The following KDM4B variants were observed in gnomAD, a reference collection of about 807,000 sequenced individuals.
The protein encoded by KDM4B is lysine-specific demethylase 4B.
Under a neutral mutation model 125.2 loss-of-function variants are expected in KDM4B, and 32 were observed. That is an observed-to-expected ratio of 0.26 (90% CI 0.19 to 0.34). KDM4B has a LOEUF of 0.34. Among genes scored for constraint, KDM4B ranks in the 10% least tolerant of loss-of-function variants. KDM4B has a pLI of 1.00. For missense variants in KDM4B, 1,190 were observed against 1,577.7 expected (o/e 0.75, Z 4.16); for synonymous variants, 721 against 677.9 (o/e 1.06, Z -0.99).
intron 1 of KDM4B, among the ~76,000 whole-genome samples, chr19:4,976,666 G>A (rs974626563): frequency 6.6e-6 from 1 of 152,242 alleles, no homozygotes. Context: ...GGTGGTTTCT[G>A]CTGTCCCTGA....
intron 1 of KDM4B, among the ~76,000 whole-genome samples, chr19:4,980,582 C>A (rs995084776): frequency 1.3e-5 from 2 of 151,908 alleles, no homozygotes; most frequent in Non-Finnish European, 2.9e-5. Flanking sequence ...TGCCACCACA[C>A]CCGGCTAATT....
intron 1 of KDM4B, among the ~76,000 whole-genome samples, chr19:4,999,565 A>G (rs770937176): frequency 7.9e-5 from 12 of 152,150 alleles, no homozygotes; most frequent in Non-Finnish European, 1.2e-4. Context: ...AGAGCTGGGA[A>G]GTAGATGTGT....
At chr19:5,027,438 G>A (rs930385216) in intron 2 of KDM4B, among the ~76,000 whole-genome samples, 4 of 152,174 alleles carry the variant, frequency 2.6e-5, no homozygotes, top group African/African-American at 9.7e-5. Context: ...TCCTCTCTCA[G>A]CTGAGAAGAG....
intron 1 of KDM4B, among the ~76,000 whole-genome samples, chr19:4,994,020 G>GTTTTTTTTTTTTTTTTTTTTTTTTTT (rs55641886): frequency 1.7e-3 from 116 of 66,696 alleles, no homozygotes; most frequent in Non-Finnish European, 2.1e-3. Flanking sequence ...TTTTCAGCCT[G>GTTTTTTTTTTTTTTTTTTTTTTTTTT]TTTTTTTTTT....
chr19:4,973,688 GGTCC>G lies in KDM4B; in HGVS notation c.-109+4462_-109+4465del, dbSNP rs2034339595. ...AGGATGCTGGACTTGGTTAGATCTG[GGTCC>G]GTCTATTCCCTCCTGCTCCCTTGAG... is the stretch of plus-strand genomic sequence containing the variant. On this transcript the variant is annotated intron_variant, in intron 1 of 22. Coordinates refer to ENST00000159111, the MANE Select transcript of KDM4B (RefSeq NM_015015.3). 1.2e-4 allele frequency among the ~76,000 whole-genome samples: 18 copies of G among 152,168 alleles called. No individual in the cohort carries two copies. In the South Asian group the frequency reaches 3.7e-3, roughly 32 times the overall value.
At chr19:5,017,645 A>G (rs183043203) in intron 2 of KDM4B, among the ~76,000 whole-genome samples, 102 of 152,264 alleles carry the variant, frequency 6.7e-4, no homozygotes, top group African/African-American at 2.0e-3. Context: ...AAGATGGTCA[A>G]TTTTCTAAAA....
chr19:5,137,634 G>C lies in KDM4B; in HGVS notation c.2399G>C (p.Cys800Ser). Residue 800 changes from cysteine to serine, a missense_variant, in exon 17 of 23, where the codon TGC (cysteine) becomes TCC (serine). This residue lies in a region of KDM4B where 298 missense variants were observed against 439.7 expected (regional missense o/e 0.68). Transcript: ENST00000159111. ...TGGTCTCCACAGGAGTGCTGCCTGT[G>C]CAACCTGCGAGGAGGTGCGCTGCAG... ...AHAWTAECCL[C>S]NLRGGALQMT... The C allele has an allele frequency of 6.2e-7, 1 of 1,603,846 alleles. No homozygotes were observed. Among genetic ancestry groups the C allele is most frequent in the Admixed American group, 1.7e-5 (1 of 59,570 alleles).
chr19:4,973,188 A>G (rs2034321494), intron 1 of KDM4B, among the ~76,000 whole-genome samples: 1 of 152,158 alleles, frequency 6.6e-6, no homozygotes. Flanking sequence ...AGTTGCACAT[A>G]CTTTTATTTA....
In KDM4B at chr19:5,114,173, A is replaced by G; in HGVS notation, c.1115+3355A>G. On this transcript the variant is annotated intron_variant, in intron 10 of 22. Transcript: ENST00000159111. This position sits in a 1 kb window ranked among gnomAD's most constrained non-coding sequence, Gnocchi z 5.8. ...TCTGGCACCCACGCGACGCTCCTCC[A>G]TGCAAACTCTTTCCACGCGAGAAGC... 7.8e-7 allele frequency: 1 copy of G among 1,289,672 alleles called. No homozygotes were observed. The highest frequency in any genetic ancestry group is 1.5e-5 in the African/African-American group (1 of 65,950). The allele number at this position is 1,289,672 out of a possible 1,614,324, so 79.9% of individuals were successfully genotyped here.
At chr19:5,049,792 C>T (rs969635648) in intron 6 of KDM4B, among the ~76,000 whole-genome samples, 2 of 152,078 alleles carry the variant, frequency 1.3e-5, no homozygotes, top group African/African-American at 4.8e-5. Context: ...CCCCGTGTCC[C>T]AGCTCCCAGC....
At chr19:5,059,088 C>T (rs918159235) in intron 6 of KDM4B, among the ~76,000 whole-genome samples, 1 of 152,224 alleles carries the variant, frequency 6.6e-6, no homozygotes, top group Non-Finnish European at 1.5e-5. Flanking sequence ...GTCGCCCGCC[C>T]ACCCAGTCTA....
At chr19:5,113,336 CTTTTTT>C (rs11364612) in intron 10 of KDM4B, 2 of 145,534 alleles carry the variant, frequency 1.4e-5, no homozygotes, top group Non-Finnish European at 3.0e-5. Context: ...GGCTGATTCA[CTTTTTT>C]TTTTTTTTTT....
intron 21 of KDM4B, among the ~76,000 whole-genome samples, chr19:5,148,846 G>A (rs1213212744): frequency 1.3e-5 from 2 of 152,196 alleles, no homozygotes; most frequent in African/African-American, 2.4e-5. Context: ...GCCTTCTCCC[G>A]GTGGCTTTCC....
At chr19:4,976,946 C>T (rs1026981255) in intron 1 of KDM4B, among the ~76,000 whole-genome samples, 10 of 152,214 alleles carry the variant, frequency 6.6e-5, no homozygotes, top group Non-Finnish European at 1.3e-4. Context: ...TGCTTTCTTT[C>T]CTTGATTGAA....
At chr19:5,126,170 T>C (rs1218959147) in intron 11 of KDM4B, among the ~76,000 whole-genome samples, 1 of 151,866 alleles carries the variant, frequency 6.6e-6, no homozygotes, top group African/African-American at 2.4e-5. Flanking sequence ...CCAGGGGGCA[T>C]CAGCATCGGG....
intron 7 of KDM4B, among the ~76,000 whole-genome samples, chr19:5,071,379 T>A (rs1234730171): frequency 6.6e-6 from 1 of 152,200 alleles, no homozygotes; most frequent in East Asian, 1.9e-4. Flanking sequence ...GGGCAGCCTG[T>A]GTTCATTTTC....
At chr19:5,012,905 A>G (rs2035774538) in intron 1 of KDM4B, among the ~76,000 whole-genome samples, 1 of 152,198 alleles carries the variant, frequency 6.6e-6, no homozygotes. Context: ...CGTAAGGAAT[A>G]GGGAGCTGCC....
At chr19:5,149,789 C>T (rs1422843773) in intron 21 of KDM4B, among the ~76,000 whole-genome samples, 1 of 152,240 alleles carries the variant, frequency 6.6e-6, no homozygotes, top group Non-Finnish European at 1.5e-5. Flanking sequence ...AAGGCACCAG[C>T]TGGGGAGGCT....
rs1183864803 is a variant in KDM4B, at chr19:5,119,689, G to T, written c.1152G>T (p.Lys384Asn). The part of the protein sequence containing the change: ...HRKRSQPKKP[K>N]PEDPKFPGEG... Reference sequence around the variant, plus strand: ...AACGGAGCCAGCCCAAGAAGCCGAAGCCCGAAGACCCCAAGTTCCCTGGGG... The same window carrying T: ...AACGGAGCCAGCCCAAGAAGCCGAATCCCGAAGACCCCAAGTTCCCTGGGG... The change falls in exon 11 of 23, where the codon AAG (lysine) becomes AAT (asparagine). Residue 384 changes from lysine (K) to asparagine (N), a missense_variant. Lys to Asn is a moderately conservative substitution (Grantham distance 94, BLOSUM62 0). Around this residue, in one of 7 missense-constraint regions of KDM4B, gnomAD observed 428 missense variants for 405.1 expected, o/e 1.06. Transcript: ENST00000159111. 1 of 1,556,206 alleles carries T rather than the reference G, an allele frequency of 6.4e-7. No homozygotes were observed. Among genetic ancestry groups the T allele is most frequent in the Middle Eastern group, 1.7e-4 (1 of 6,000 alleles).
Sources: gnomAD v4.1 joint callset for allele counts (sites outside exome capture counted in the v4.1 genomes callset) on GRCh38, gnomAD v4.1.1 for gene constraint, gnomAD v4.1.1 regional missense constraint, Gnocchi (gnomAD v3.1) non-coding constraint, MANE v1.5 for transcripts, NCBI Gene and HGNC (gene_info 2026-07-23, HGNC 2026-07-21) for gene names.